The following UNC5D variants were observed in gnomAD, a reference collection of about 807,000 sequenced individuals.
UNC5D encodes the protein unc-5 netrin receptor D.
Under a neutral mutation model 105.4 loss-of-function variants are expected in UNC5D, and 39 were observed. The observed-to-expected ratio is 0.37, with a 90% CI of 0.29 to 0.48. The LOEUF (loss-of-function observed/expected upper bound fraction) is 0.48. UNC5D is among the 20% of genes least tolerant of loss of function. The probability of loss-of-function intolerance (pLI) is 0.98; values close to 1 mark genes in which losing one functional copy is unlikely to be tolerated. For missense variants in UNC5D, 991 were observed against 1,202.4 expected (o/e 0.82, Z 2.60); for synonymous variants, 452 against 450.4 (o/e 1.00, Z -0.04).
chr8:35,362,011 T>C (rs980508335), intron 1 of UNC5D, among the ~76,000 whole-genome samples: 6 of 152,208 alleles, frequency 3.9e-5, no homozygotes, highest in African/African-American at 7.2e-5. Flanking sequence ...AAATAAAATC[T>C]TGATACATCT....
At chr8:35,670,713 T>C (rs1760311228) in intron 4 of UNC5D, among the ~76,000 whole-genome samples, 1 of 151,790 alleles carries the variant, frequency 6.6e-6, no homozygotes, top group African/African-American at 2.4e-5. Context: ...TGTTGGGGGA[T>C]GTGAGGGCAA....
intron 4 of UNC5D, among the ~76,000 whole-genome samples, chr8:35,597,271 A>G (rs1296273748): frequency 6.6e-6 from 1 of 152,238 alleles, no homozygotes; most frequent in African/African-American, 2.4e-5. Flanking sequence ...ATGATTAGAA[A>G]GGAAAATGCT....
chr8:35,701,445 T>C (rs986957220), intron 7 of UNC5D, among the ~76,000 whole-genome samples: 3 of 152,176 alleles, frequency 2.0e-5, no homozygotes, highest in Admixed American at 6.5e-5. Flanking sequence ...GCTGACCACG[T>C]TTGTTCTCTA....
intron 1 of UNC5D, among the ~76,000 whole-genome samples, chr8:35,359,131 C>T (rs186765382): frequency 6.6e-6 from 1 of 152,224 alleles, no homozygotes; most frequent in East Asian, 1.9e-4. Context: ...GTCTGGATGG[C>T]CAAGCAAGAC....
rs543089961 is a variant in UNC5D at position 35,470,698 on chromosome 8, G to A, written c.104-78594G>A. Reference sequence around the variant, plus strand: ...GTGGGAGGATCACTTGAGCCCAGGAGATTGAGGCTGCAGTGAGCTGAGATC... The same window carrying A: ...GTGGGAGGATCACTTGAGCCCAGGAAATTGAGGCTGCAGTGAGCTGAGATC... On this transcript the variant is annotated intron_variant, in intron 1 of 16. Transcript: ENST00000404895. Among the ~76,000 whole-genome samples the A allele has an allele frequency of 2.1e-3, 320 of 151,262 alleles. 2 individuals carry two copies. Among genetic ancestry groups the A allele is most frequent in the African/African-American group, 7.4e-3 (306 of 41,120 alleles).
intron 1 of UNC5D, among the ~76,000 whole-genome samples, chr8:35,439,578 T>C (rs936103166): frequency 3.9e-5 from 6 of 152,078 alleles, no homozygotes; most frequent in Admixed American, 6.6e-5. Context: ...CTTGAAGCTA[T>C]GGAAAAGCAA....
At chr8:35,463,792 G>GA (rs776755576) in intron 1 of UNC5D, among the ~76,000 whole-genome samples, 506 of 114,164 alleles carry the variant, frequency 4.4e-3, no homozygotes, top group Admixed American at 6.0e-3. Flanking sequence ...ACCTGTCTCA[G>GA]AAAAAAAAAA....
intron 1 of UNC5D, among the ~76,000 whole-genome samples, chr8:35,542,359 A>G (rs576069584): frequency 6.6e-6 from 1 of 152,320 alleles, no homozygotes; most frequent in Non-Finnish European, 1.5e-5. Flanking sequence ...CTTTTAGATT[A>G]TGTAACTTGG....
chr8:35,526,416 A>G (rs570664691), intron 1 of UNC5D, among the ~76,000 whole-genome samples: 7 of 152,300 alleles, frequency 4.6e-5, no homozygotes, highest in South Asian at 4.1e-4. Flanking sequence ...AAAAGCATTT[A>G]GTACCTTGAA....
rs150651845 is a variant in UNC5D, at chr8:35,359,684, C to T, written c.103+123797C>T. Among the ~76,000 whole-genome samples the T allele has an allele frequency of 7.9e-5, 12 of 152,282 alleles. No individual in the cohort carries two copies. The East Asian group carries it at 2.1e-3, about 27-fold the overall frequency. On this transcript the variant is annotated intron_variant, in intron 1 of 16. Transcript: ENST00000404895. ...TTCTCTAGCCCCTCAGCAATGAGTACAGTAGTTTATTCAAACTAAATTCTA... is the reference window on the plus strand; with the variant it reads ...TTCTCTAGCCCCTCAGCAATGAGTATAGTAGTTTATTCAAACTAAATTCTA...
chr8:35,268,484 C>G (rs1805047880), intron 1 of UNC5D, among the ~76,000 whole-genome samples: 1 of 151,960 alleles, frequency 6.6e-6, no homozygotes, highest in Admixed American at 6.5e-5. Context: ...CCAAGTAAAC[C>G]AAAATAGTCA....
chr8:35,481,572 C>A (rs1810483293), intron 1 of UNC5D, among the ~76,000 whole-genome samples: 2 of 152,280 alleles, frequency 1.3e-5, no homozygotes, highest in South Asian at 4.1e-4. Context: ...AGAATAAATT[C>A]TCTAAATGCT....
chr8:35,374,366 A>C (rs1296522444), intron 1 of UNC5D, among the ~76,000 whole-genome samples: 1 of 152,198 alleles, frequency 6.6e-6, no homozygotes, highest in Non-Finnish European at 1.5e-5. Context: ...ATGAGTTTTC[A>C]AAGGGTAGTG....
chr8:35,237,215 G>A (rs957645487), intron 1 of UNC5D, among the ~76,000 whole-genome samples: 9 of 132,954 alleles, frequency 6.8e-5, no homozygotes, highest in Admixed American at 2.4e-4. Flanking sequence ...TTAATGGAGC[G>A]GGCTTTGTAA....
At chr8:35,512,811 A>G (rs1812845906) in intron 1 of UNC5D, among the ~76,000 whole-genome samples, 1 of 151,756 alleles carries the variant, frequency 6.6e-6, no homozygotes. Context: ...AAAAATTTAT[A>G]AATCAAATTA....
At chr8:35,533,609 A>C (rs1250522448) in intron 1 of UNC5D, among the ~76,000 whole-genome samples, 1 of 152,224 alleles carries the variant, frequency 6.6e-6, no homozygotes, top group Non-Finnish European at 1.5e-5. Flanking sequence ...TGTTTACCTA[A>C]GCAAGCCTGG....
At chr8:35,734,322 C>T (rs1272140950) in intron 11 of UNC5D, among the ~76,000 whole-genome samples, 3 of 100,616 alleles carry the variant, frequency 3.0e-5, no homozygotes, top group Admixed American at 1.6e-4. Context: ...AGGAAACCAG[C>T]AGTAATCACT....
At chr8:35,638,656 A>T (rs1262781761) in intron 4 of UNC5D, among the ~76,000 whole-genome samples, 2 of 152,068 alleles carry the variant, frequency 1.3e-5, no homozygotes, top group Non-Finnish European at 1.5e-5. Flanking sequence ...ATTAGAGTGT[A>T]TGATGACATG....
intron 3 of UNC5D, among the ~76,000 whole-genome samples, chr8:35,586,344 G>A (rs999695571): frequency 2.0e-5 from 3 of 152,180 alleles, no homozygotes; most frequent in South Asian, 4.1e-4. Context: ...CGGGAGGAGC[G>A]CAGATAATGT....
Sources: gnomAD v4.1 joint callset for allele counts (sites outside exome capture counted in the v4.1 genomes callset) on GRCh38, gnomAD v4.1.1 for gene constraint, MANE v1.5 for transcripts, NCBI Gene and HGNC (gene_info 2026-07-23, HGNC 2026-07-21) for gene names.